Variants in GLIS3 observed in about 807,000 individuals in gnomAD.
The protein encoded by GLIS3 is GLIS family zinc finger 3, also known as zinc finger protein GLIS3.
Under a neutral mutation model 78.6 loss-of-function variants are expected in GLIS3, and 53 were observed. That is an observed-to-expected ratio of 0.67 (90% CI 0.54 to 0.85). The LOEUF (loss-of-function observed/expected upper bound fraction) is 0.85, where lower values mean the gene tolerates loss of function less well. Ranked by LOEUF, GLIS3 falls within the 40% of genes least tolerant of loss-of-function variation. GLIS3 has a pLI of 0.00. For missense variants in GLIS3, 1,703 were observed against 1,231.1 expected (o/e 1.38, Z -5.74); for synonymous variants, 684 against 509.9 (o/e 1.34, Z -4.60).
At chr9:3,881,083 C>G (rs1821698309) in intron 7 of GLIS3, among the ~76,000 whole-genome samples, 1 of 152,156 alleles carries the variant, frequency 6.6e-6, no homozygotes, top group Admixed American at 6.6e-5. Context: ...TTATGCTCAG[C>G]TAGCTCAGGG....
At chr9:4,450,201 A>G in the GLIS3 span, among the ~76,000 whole-genome samples, 1 of 152,240 alleles carries the variant, frequency 6.6e-6, no homozygotes, top group African/African-American at 2.4e-5. Context: ...TGTGATGCAT[A>G]CACAAACTTC....
chr9:4,227,190 C>G (rs1821846191), intron 2 of GLIS3, among the ~76,000 whole-genome samples: 1 of 151,812 alleles, frequency 6.6e-6, no homozygotes, highest in Non-Finnish European at 1.5e-5. Flanking sequence ...CCCTAGTTTT[C>G]TCTTCCTCCC....
intron 2 of GLIS3, among the ~76,000 whole-genome samples, chr9:4,258,229 A>G (rs966229351): frequency 4.6e-5 from 7 of 152,234 alleles, no homozygotes; most frequent in Non-Finnish European, 7.3e-5. Flanking sequence ...ACTAGAGACA[A>G]TATCAGAATT....
chr9:4,276,706 T>G (rs1333559262), intron 2 of GLIS3, among the ~76,000 whole-genome samples: 1 of 152,166 alleles, frequency 6.6e-6, no homozygotes, highest in Non-Finnish European at 1.5e-5. Context: ...GAAACCCCCT[T>G]TTATAATTGG....
At chr9:4,456,470 C>A in the GLIS3 span, among the ~76,000 whole-genome samples, 1 of 152,320 alleles carries the variant, frequency 6.6e-6, no homozygotes, top group South Asian at 2.1e-4. Context: ...ATCTAGACTA[C>A]TAAAACTTTC....
At chr9:3,966,798 C>A (rs1190608890) in intron 4 of GLIS3, among the ~76,000 whole-genome samples, 2 of 150,686 alleles carry the variant, frequency 1.3e-5, no homozygotes, top group African/African-American at 4.9e-5. Context: ...AAACAAAAAA[C>A]CCTTAAAACA....
At position 3,947,366 on chromosome 9, in the gene GLIS3, G is replaced by A. The variant is rs117089398; in HGVS notation, c.1711-10177C>T. Among the ~76,000 whole-genome samples, 329 of 152,354 alleles carry A rather than the reference G, an allele frequency of 2.2e-3. 3 individuals carry two copies. Among genetic ancestry groups the A allele is most frequent in the Non-Finnish European group, 3.8e-3 (256 of 68,038 alleles). On this transcript the variant is annotated intron_variant, in intron 4 of 10. Coordinates refer to ENST00000381971, the MANE Select transcript of GLIS3 (RefSeq NM_001042413.2). The stretch of plus-strand genomic sequence containing the variant: ...TTGACTGAGAAACTGTTTGCGGGTT[G>A]CAACAGAATGTATGCTAACATACAT...
At chr9:4,404,847 A>G in the GLIS3 span, among the ~76,000 whole-genome samples, 1 of 152,144 alleles carries the variant, frequency 6.6e-6, no homozygotes, top group African/African-American at 2.4e-5. Context: ...AATTAGTAGA[A>G]GAAAAGAAAT....
chr9:3,918,908 AT>A (rs1299229519), intron 6 of GLIS3, among the ~76,000 whole-genome samples: 1 of 152,220 alleles, frequency 6.6e-6, no homozygotes, highest in Non-Finnish European at 1.5e-5. Context: ...ACCTTTTGGA[AT>A]TAGGATCTGC....
chr9:4,331,014 C>A (rs777779401), intron 2 of GLIS3, among the ~76,000 whole-genome samples: 3 of 152,198 alleles, frequency 2.0e-5, no homozygotes, highest in Non-Finnish European at 4.4e-5. Context: ...TGTCCGGGAG[C>A]AAACAGGCCC....
chr9:4,109,950 C>T (rs1831078946), intron 4 of GLIS3, among the ~76,000 whole-genome samples: 1 of 152,204 alleles, frequency 6.6e-6, no homozygotes, highest in Admixed American at 6.5e-5. Context: ...TACAGGCATA[C>T]TTGAGAGCTT....
At chr9:3,838,808 T>C (rs1818530237) in intron 9 of GLIS3, among the ~76,000 whole-genome samples, 1 of 152,182 alleles carries the variant, frequency 6.6e-6, no homozygotes, top group Admixed American at 6.5e-5. Flanking sequence ...TCATTTCTTC[T>C]CCAACACTCG....
chr9:4,201,548 G>C (rs1207929947), intron 2 of GLIS3, among the ~76,000 whole-genome samples: 1 of 152,120 alleles, frequency 6.6e-6, no homozygotes, highest in Non-Finnish European at 1.5e-5. Context: ...TAACATTCAA[G>C]CTGAGAGCCT....
intron 2 of GLIS3, among the ~76,000 whole-genome samples, chr9:4,136,027 G>A (rs1006001113): frequency 9.2e-5 from 14 of 152,230 alleles, no homozygotes; most frequent in Middle Eastern, 6.8e-3. Context: ...AAATGGCTAC[G>A]AACACCAAAG....
intron 2 of GLIS3, among the ~76,000 whole-genome samples, chr9:4,264,004 C>G (rs1825761294): frequency 6.6e-6 from 1 of 152,160 alleles, no homozygotes; most frequent in Non-Finnish European, 1.5e-5. Flanking sequence ...TCCTACATTT[C>G]TATCTCTATC....
At chr9:4,407,545 G>A in the GLIS3 span, among the ~76,000 whole-genome samples, 1 of 152,218 alleles carries the variant, frequency 6.6e-6, no homozygotes, top group Non-Finnish European at 1.5e-5. Context: ...TACTCGGGAG[G>A]CTGAGGCAGG....
chr9:4,415,891 C>T, the GLIS3 span, among the ~76,000 whole-genome samples: 9 of 151,690 alleles, frequency 5.9e-5, no homozygotes, highest in Admixed American at 5.2e-4. Flanking sequence ...TAAAATTTCC[C>T]TTTGCCTTTA....
chr9:4,297,304 G>C (rs1056342794), intron 1 of GLIS3, among the ~76,000 whole-genome samples: 3 of 152,260 alleles, frequency 2.0e-5, no homozygotes, highest in Middle Eastern at 6.8e-3. Flanking sequence ...TCTCTTAACC[G>C]GGACCTGAGA....
At chr9:4,069,161 G>T (rs528776466) in intron 4 of GLIS3, among the ~76,000 whole-genome samples, 14 of 152,208 alleles carry the variant, frequency 9.2e-5, no homozygotes. Flanking sequence ...GTAGGAACCT[G>T]CCGAGCAGAG....
Sources: allele counts gnomAD v4.1 joint callset (sites outside exome capture counted in the v4.1 genomes callset), GRCh38; gene constraint gnomAD v4.1.1; transcripts MANE v1.5; gene names NCBI Gene and HGNC (gene_info 2026-07-23, HGNC 2026-07-21).